The following TXLNB variants were observed in gnomAD, a reference collection of about 807,000 sequenced individuals.
TXLNB encodes the protein beta-taxilin.
TXLNB carries 37 observed loss-of-function variants against 57.4 expected under a neutral mutation model. The ratio of observed to expected loss-of-function variants is 0.64; its 90% CI spans 0.50 to 0.85. TXLNB has a LOEUF of 0.85. TXLNB is among the 40% of genes least tolerant of loss of function. The pLI is 0.00. For missense variants in TXLNB, 848 were observed against 825.6 expected, an observed-to-expected ratio of 1.03 and a Z score of -0.33; for synonymous variants, 302 against 309.6, an observed-to-expected ratio of 0.98 and a Z score of 0.26.
upstream of TXLNB, among the ~76,000 whole-genome samples, chr6:139,295,658 A>T (rs1473791075): frequency 6.6e-6 from 1 of 151,962 alleles, no homozygotes; most frequent in Non-Finnish European, 1.5e-5. Context: ...GACATTATTT[A>T]TTGTCTTCTC....
chr6:139,251,837 G>A (rs1776213858), intron 7 of TXLNB, among the ~76,000 whole-genome samples: 1 of 152,232 alleles, frequency 6.6e-6, no homozygotes, highest in South Asian at 2.1e-4. Context: ...TAAGTCCTAT[G>A]ACAAGAACAG....
At chr6:139,227,222 C>T in the TXLNB span, among the ~76,000 whole-genome samples, 3 of 151,860 alleles carry the variant, frequency 2.0e-5, no homozygotes, top group Admixed American at 6.6e-5. Flanking sequence ...GCCTGTAATC[C>T]CAGTTACTCA....
At chr6:139,214,189 A>G in the TXLNB span, among the ~76,000 whole-genome samples, 8 of 152,338 alleles carry the variant, frequency 5.3e-5, no homozygotes, top group East Asian at 1.3e-3. Flanking sequence ...AGAGAATTTT[A>G]GACCAATATC....
At chr6:139,296,037 C>G (rs963908462), upstream of TXLNB, among the ~76,000 whole-genome samples, 1 of 150,942 alleles carries the variant, frequency 6.6e-6, no homozygotes, top group African/African-American at 2.5e-5. Flanking sequence ...AACCTTGACC[C>G]CCCCCTCCTC....
intron 6 of TXLNB, among the ~76,000 whole-genome samples, chr6:139,259,988 C>T (rs1433552347): frequency 3.9e-5 from 6 of 152,048 alleles, no homozygotes; most frequent in African/African-American, 1.4e-4. Flanking sequence ...TTTGGGAGGC[C>T]GAGGAAGGCG....
chr6:139,256,308 G>T (rs1776338162), intron 6 of TXLNB, among the ~76,000 whole-genome samples: 1 of 152,048 alleles, frequency 6.6e-6, no homozygotes, highest in African/African-American at 2.4e-5. Flanking sequence ...GTGCACTTTT[G>T]TTAGCAACTG....
At chr6:139,217,203 A>G in the TXLNB span, among the ~76,000 whole-genome samples, 1 of 152,158 alleles carries the variant, frequency 6.6e-6, no homozygotes, top group Non-Finnish European at 1.5e-5. Flanking sequence ...GTGGACTTGT[A>G]GCAGCTGACA....
At chr6:139,221,173 G>A in the TXLNB span, among the ~76,000 whole-genome samples, 1 of 152,186 alleles carries the variant, frequency 6.6e-6, no homozygotes, top group African/African-American at 2.4e-5. Context: ...GTGACTGAGA[G>A]GATGAGACGC....
chr6:139,210,758 C>G, the TXLNB span, among the ~76,000 whole-genome samples: 1 of 152,230 alleles, frequency 6.6e-6, no homozygotes, highest in Admixed American at 6.5e-5. Flanking sequence ...CAGATGGCAC[C>G]TGGAAAATCG....
chr6:139,248,667 CAACTT>C (rs1221192467), intron 7 of TXLNB, among the ~76,000 whole-genome samples: 2 of 152,132 alleles, frequency 1.3e-5, no homozygotes, highest in Non-Finnish European at 2.9e-5. Context: ...ATCTCAAAGA[CAACTT>C]GACTATGGGA....
Position 139,242,459 on chromosome 6 carries a change from C to A in TXLNB, c.*67G>T. 1 of 1,367,544 alleles carries A rather than the reference C, an allele frequency of 7.3e-7. No individual in the cohort carries two copies. Among genetic ancestry groups the A allele is most frequent in the Non-Finnish European group, 9.6e-7 (1 of 1,042,516 alleles). The allele number at this position is 1,367,544 out of a possible 1,614,324, so 84.7% of individuals were successfully genotyped here. A position where few individuals can be genotyped will look rare whatever the true frequency, so the allele number is the denominator to read the frequency against. Reference sequence around the variant, plus strand: ...CATCTCTAGCCCTTAATGCCTTTTTCGGAAGACAAGCTGTTATGCTGAATA... The same window carrying A: ...CATCTCTAGCCCTTAATGCCTTTTTAGGAAGACAAGCTGTTATGCTGAATA... On this transcript the variant is annotated 3_prime_UTR_variant, in exon 10 of 10. Transcript: ENST00000358430.
At chr6:139,191,356 T>A in the TXLNB span, among the ~76,000 whole-genome samples, 1 of 151,948 alleles carries the variant, frequency 6.6e-6, no homozygotes, top group Non-Finnish European at 1.5e-5. Flanking sequence ...GAGGTGGAGG[T>A]TGCGGTGAGC....
At chr6:139,163,982 G>A in the TXLNB span, among the ~76,000 whole-genome samples, 1 of 152,030 alleles carries the variant, frequency 6.6e-6, no homozygotes, top group Non-Finnish European at 1.5e-5. Context: ...AAATAGGGCA[G>A]CCCTAAGTCT....
chr6:139,173,955 A>T, the TXLNB span, among the ~76,000 whole-genome samples: 9 of 152,126 alleles, frequency 5.9e-5, no homozygotes, highest in Non-Finnish European at 1.2e-4. Flanking sequence ...GATTTTTATG[A>T]TGGGACTTGT....
At chr6:139,287,657 A>G (rs1777206560) in intron 2 of TXLNB, among the ~76,000 whole-genome samples, 1 of 152,210 alleles carries the variant, frequency 6.6e-6, no homozygotes, top group African/African-American at 2.4e-5. Context: ...AAAGTATCAC[A>G]TAGGAGGGAG....
At chr6:139,237,637 C>T (rs1485071408), downstream of TXLNB, 3 of 151,790 alleles carry the variant, frequency 2.0e-5, no homozygotes, top group Non-Finnish European at 2.9e-5. Context: ...TCCTTTTCCT[C>T]TTGTAACATA....
intron 2 of TXLNB, among the ~76,000 whole-genome samples, chr6:139,283,345 C>G (rs7745511): frequency 0.28 from 39,941 of 141,324 alleles, 11,745 homozygotes; most frequent in African/African-American, 0.65. Context: ...GGGAGACCGA[C>G]GCAGGCGGAT....
Position 139,242,835 on chromosome 6 carries a change from G to C in TXLNB, c.1746C>G (p.Ala582=), listed in dbSNP as rs61741439. The change falls in exon 10 of 10, where the codon GCC becomes GCG. Residue 582 remains alanine (A), a synonymous_variant. Coordinates refer to ENST00000358430, the MANE Select transcript of TXLNB (RefSeq NM_153235.4). The part of the protein sequence containing the change: ...EPPSKASNSP[A]GLGAETQCEG... ...CGCATTGGGTTTCTGCTCCCAACCC[G>C]GCAGGAGAATTACTGGCCTTGGAGG... is the stretch of plus-strand genomic sequence containing the variant. 9,597 of 1,614,078 alleles carry C rather than the reference G, an allele frequency of 5.9e-3. 297 individuals carry two copies. In the African/African-American group the frequency reaches 0.082, roughly 14 times the overall value.
chr6:139,213,695 T>C, the TXLNB span, among the ~76,000 whole-genome samples: 2 of 152,092 alleles, frequency 1.3e-5, no homozygotes, highest in Non-Finnish European at 2.9e-5. Flanking sequence ...AGGAGCTGGT[T>C]TTTTGAAAAG....
Sources: allele counts gnomAD v4.1 joint callset (sites outside exome capture counted in the v4.1 genomes callset), GRCh38; gene constraint gnomAD v4.1.1; transcripts MANE v1.5; gene names NCBI Gene and HGNC (gene_info 2026-07-23, HGNC 2026-07-21).